COMMD10: variants seen among roughly 807,000 people sequenced by gnomAD.
The protein encoded by COMMD10 is COMM domain-containing protein 10.
Under a neutral mutation model 28.9 loss-of-function variants are expected in COMMD10, and 33 were observed. The observed-to-expected ratio is 1.14, with a 90% confidence interval of 0.87 to 1.53. The LOEUF is 1.53. Among genes scored for constraint, COMMD10 ranks in the 40% most tolerant of loss-of-function variants. The probability of loss-of-function intolerance (pLI) is 0.00; values close to 1 mark genes in which losing one functional copy is unlikely to be tolerated. For missense variants in COMMD10, 310 were observed against 233.4 expected (o/e 1.33, Z -2.14); for synonymous variants, 110 against 81.7 (o/e 1.35, Z -1.87).
At chr5:116,264,877 A>G (rs919694988) in intron 5 of COMMD10, among the ~76,000 whole-genome samples, 1 of 151,866 alleles carries the variant, frequency 6.6e-6, no homozygotes, top group Non-Finnish European at 1.5e-5. Flanking sequence ...AATGACATGC[A>G]GTCATATAGC....
intron 5 of COMMD10, among the ~76,000 whole-genome samples, chr5:116,240,158 A>C (rs1749775063): frequency 6.6e-6 from 1 of 152,194 alleles, no homozygotes; most frequent in South Asian, 2.1e-4. Context: ...AGAAAAGTGA[A>C]TAAGGTACAT....
intron 4 of COMMD10, among the ~76,000 whole-genome samples, chr5:116,133,157 G>A (rs1213492863): frequency 1.3e-5 from 2 of 152,102 alleles, no homozygotes; most frequent in Non-Finnish European, 2.9e-5. Context: ...TTAGGGTCAT[G>A]TTCTCAGAGG....
intron 5 of COMMD10, among the ~76,000 whole-genome samples, chr5:116,241,667 C>T (rs1436297627): frequency 1.3e-5 from 2 of 151,800 alleles, no homozygotes; most frequent in Non-Finnish European, 2.9e-5. Flanking sequence ...GGCTGGAGTG[C>T]AGTGGCGCAA....
At chr5:116,164,723 G>A (rs898535816) in intron 5 of COMMD10, among the ~76,000 whole-genome samples, 4 of 152,174 alleles carry the variant, frequency 2.6e-5, no homozygotes, top group Non-Finnish European at 1.5e-5. Flanking sequence ...TAAAAAGAGT[G>A]TGGATCTGGG....
intron 5 of COMMD10, among the ~76,000 whole-genome samples, chr5:116,145,666 C>T (rs1330345973): frequency 2.0e-5 from 3 of 151,876 alleles, no homozygotes; most frequent in Non-Finnish European, 4.4e-5. Flanking sequence ...ACAATCCCCA[C>T]AATCCCCACG....
At chr5:116,170,905 C>T (rs1753305946) in intron 5 of COMMD10, among the ~76,000 whole-genome samples, 1 of 152,136 alleles carries the variant, frequency 6.6e-6, no homozygotes, top group African/African-American at 2.4e-5. Context: ...CTTGGCAATG[C>T]CATTCAAGAC....
At chr5:116,207,546 G>A (rs1456411716) in intron 5 of COMMD10, among the ~76,000 whole-genome samples, 1 of 151,402 alleles carries the variant, frequency 6.6e-6, no homozygotes, top group Non-Finnish European at 1.5e-5. Flanking sequence ...TTTTTCTTGA[G>A]ACAAAGTCTC....
chr5:116,248,096 A>G (rs796322167), intron 5 of COMMD10, among the ~76,000 whole-genome samples: 16 of 151,680 alleles, frequency 1.1e-4, no homozygotes, highest in African/African-American at 3.1e-4. Context: ...CAAGAATACC[A>G]CTTTTACTGC....
At chr5:116,190,195 G>C (rs1476465204) in intron 5 of COMMD10, among the ~76,000 whole-genome samples, 1 of 152,124 alleles carries the variant, frequency 6.6e-6, no homozygotes, top group Non-Finnish European at 1.5e-5. Flanking sequence ...AGGACTGAGA[G>C]GATGGAGGGA....
At chr5:116,260,196 C>T (rs971236135) in intron 5 of COMMD10, among the ~76,000 whole-genome samples, 1 of 151,638 alleles carries the variant, frequency 6.6e-6, no homozygotes. Flanking sequence ...GATGATGAAA[C>T]CATTTCAATG....
chr5:116,279,699 T>C (rs1030645435), intron 5 of COMMD10, among the ~76,000 whole-genome samples: 22 of 151,892 alleles, frequency 1.4e-4, no homozygotes, highest in African/African-American at 5.3e-4. Flanking sequence ...AACTTGGCAA[T>C]GGTATTGCAT....
At chr5:116,153,299 G>C (rs1218479002) in intron 5 of COMMD10, among the ~76,000 whole-genome samples, 1 of 48,210 alleles carries the variant, frequency 2.1e-5, no homozygotes, top group Non-Finnish European at 4.8e-5. Context: ...GGTAAGTGTG[G>C]GTCAGGCTCA....
At chr5:116,109,099 A>G (rs926135593) in intron 4 of COMMD10, among the ~76,000 whole-genome samples, 5 of 152,188 alleles carry the variant, frequency 3.3e-5, no homozygotes, top group African/African-American at 9.7e-5. Flanking sequence ...TGCCTTCTGC[A>G]TCGATTTTGC....
intron 5 of COMMD10, among the ~76,000 whole-genome samples, chr5:116,242,576 T>C (rs1646877834): frequency 1.3e-5 from 2 of 152,180 alleles, no homozygotes; most frequent in Admixed American, 1.3e-4. Context: ...CTTGTATTAT[T>C]TTGAAAAGCA....
chr5:116,275,227 A>G (rs1420863144), intron 5 of COMMD10, among the ~76,000 whole-genome samples: 4 of 151,802 alleles, frequency 2.6e-5, no homozygotes, highest in Admixed American at 2.6e-4. Flanking sequence ...TTAAATCTGT[A>G]TGTGTTATAG....
chr5:116,092,737 A>C (rs1210083300), intron 4 of COMMD10, 37 bp downstream of exon 4: 1 of 1,418,492 alleles, frequency 7.0e-7, no homozygotes, highest in African/African-American at 1.4e-5. Flanking sequence ...TTTTTCAATA[A>C]CATATGGCAT....
At chr5:116,200,088 A>G (rs144692938) in intron 5 of COMMD10, among the ~76,000 whole-genome samples, 1,998 of 149,464 alleles carry the variant, frequency 0.013, 42 homozygotes, top group African/African-American at 0.046. Flanking sequence ...TGGGGTATCC[A>G]TCCCCTCAAG....
At chr5:116,190,593 TTC>T (rs1163678060) in intron 5 of COMMD10, among the ~76,000 whole-genome samples, 2 of 152,188 alleles carry the variant, frequency 1.3e-5, no homozygotes, top group African/African-American at 4.8e-5. Flanking sequence ...CAACCAAGAG[TTC>T]TCTGTTTCTT....
At chr5:116,172,385 A>G (rs965039340) in intron 5 of COMMD10, among the ~76,000 whole-genome samples, 4 of 152,160 alleles carry the variant, frequency 2.6e-5, no homozygotes, top group African/African-American at 9.6e-5. Flanking sequence ...GATGATACTA[A>G]TTGTGTTTTG....
Sources: allele counts gnomAD v4.1 joint callset (sites outside exome capture counted in the v4.1 genomes callset), GRCh38; gene constraint gnomAD v4.1.1; transcripts MANE v1.5; gene names NCBI Gene and HGNC (gene_info 2026-07-23, HGNC 2026-07-21).